The following ROR1 variants were observed in gnomAD, a reference collection of about 807,000 sequenced individuals.
ROR1 encodes inactive tyrosine-protein kinase transmembrane receptor ROR1.
A neutral mutation model predicts 78.8 loss-of-function variants in ROR1; 19 were observed. The ratio of observed to expected loss-of-function variants is 0.24; its 90% CI spans 0.17 to 0.35. The LOEUF is 0.35. Ranked by LOEUF, ROR1 falls within the 10% of genes least tolerant of loss-of-function variation. The probability of loss-of-function intolerance (pLI) is 1.00; values close to 1 mark genes in which losing one functional copy is unlikely to be tolerated. For synonymous variants in ROR1, 386 were observed against 433.6 expected (o/e 0.89, Z 1.36); for missense variants, 917 against 1,177.8 (o/e 0.78, Z 3.24).
intron 4 of ROR1, among the ~76,000 whole-genome samples, chr1:64,135,075 A>AT (rs1264301741): frequency 6.6e-6 from 1 of 152,020 alleles, no homozygotes; most frequent in Non-Finnish European, 1.5e-5. Flanking sequence ...ATAACAGTAC[A>AT]TACTGGTTTT....
intron 1 of ROR1, among the ~76,000 whole-genome samples, chr1:63,861,832 G>T (rs1272521791): frequency 6.6e-6 from 1 of 152,176 alleles, no homozygotes; most frequent in Admixed American, 6.6e-5. Context: ...TTCCAATTGA[G>T]CCAGTAGGTC....
chr1:63,950,185 A>G (rs1358940384), intron 1 of ROR1, among the ~76,000 whole-genome samples: 1 of 152,202 alleles, frequency 6.6e-6, no homozygotes, highest in Non-Finnish European at 1.5e-5. Flanking sequence ...ATTCGAGGCA[A>G]GTCCACAGAT....
chr1:64,071,931 G>A (rs557602784), intron 4 of ROR1, among the ~76,000 whole-genome samples: 2 of 152,248 alleles, frequency 1.3e-5, no homozygotes, highest in South Asian at 4.1e-4. Flanking sequence ...CAGCCTGAAA[G>A]GGATTCCCTT....
intron 1 of ROR1, among the ~76,000 whole-genome samples, chr1:63,916,636 C>G (rs1447439487): frequency 6.6e-6 from 1 of 152,160 alleles, no homozygotes; most frequent in Admixed American, 6.5e-5. Context: ...CCTGAACAGT[C>G]CTTAGAGACA....
At chr1:64,061,041 G>A (rs918328641) in intron 4 of ROR1, among the ~76,000 whole-genome samples, 8 of 152,202 alleles carry the variant, frequency 5.3e-5, no homozygotes, top group Non-Finnish European at 1.0e-4. Context: ...CTGAGAGCTT[G>A]TTCACCAGGC....
intron 1 of ROR1, among the ~76,000 whole-genome samples, chr1:63,903,712 G>A (rs1403228870): frequency 6.6e-6 from 1 of 151,638 alleles, no homozygotes; most frequent in African/African-American, 2.4e-5. Context: ...AGCTATATAA[G>A]CATATATAAA....
At chr1:64,175,065 A>G (rs1650342327) in intron 8 of ROR1, among the ~76,000 whole-genome samples, 1 of 151,274 alleles carries the variant, frequency 6.6e-6, no homozygotes, top group African/African-American at 2.4e-5. Flanking sequence ...AATAAATTAA[A>G]TAGTTATTTA....
intron 1 of ROR1, among the ~76,000 whole-genome samples, chr1:63,837,688 G>A (rs544590697): frequency 6.6e-6 from 1 of 152,320 alleles, no homozygotes; most frequent in East Asian, 1.9e-4. Flanking sequence ...GGACACGGTG[G>A]CGTGTTCCTG....
intron 1 of ROR1, among the ~76,000 whole-genome samples, chr1:63,889,108 C>T (rs74077483): frequency 0.037 from 5,695 of 152,178 alleles, 349 homozygotes; most frequent in African/African-American, 0.13. Context: ...GACATATGAG[C>T]AAGGAATCCA....
intron 1 of ROR1, among the ~76,000 whole-genome samples, chr1:63,902,339 T>TA (rs1352683890): frequency 3.0e-4 from 46 of 151,742 alleles, no homozygotes; most frequent in African/African-American, 1.1e-3. Flanking sequence ...TTTTTTCTTT[T>TA]AAGAGTCTTG....
At chr1:64,059,015 A>G (rs1359256558) in intron 4 of ROR1, among the ~76,000 whole-genome samples, 1 of 152,098 alleles carries the variant, frequency 6.6e-6, no homozygotes, top group East Asian at 1.9e-4. Flanking sequence ...TTATAGGTCT[A>G]TTTAAATTTT....
At chr1:63,895,473 C>A (rs906904845) in intron 1 of ROR1, among the ~76,000 whole-genome samples, 8 of 152,040 alleles carry the variant, frequency 5.3e-5, no homozygotes, top group African/African-American at 1.9e-4. Flanking sequence ...CTCTGTTGAC[C>A]AAGGTGGAAT....
chr1:64,051,226 T>C (rs1018385101), intron 4 of ROR1, among the ~76,000 whole-genome samples: 4 of 151,820 alleles, frequency 2.6e-5, no homozygotes, highest in African/African-American at 9.7e-5. Flanking sequence ...CCGAGGTGGG[T>C]GGATCACGAG....
At chr1:63,793,686 C>T (rs550533655) in intron 1 of ROR1, among the ~76,000 whole-genome samples, 1 of 152,258 alleles carries the variant, frequency 6.6e-6, no homozygotes, top group South Asian at 2.1e-4. Flanking sequence ...TGCTGATTCC[C>T]CTCCCAGGAC....
At chr1:63,997,958 G>A (rs569252182) in intron 1 of ROR1, among the ~76,000 whole-genome samples, 71 of 152,012 alleles carry the variant, frequency 4.7e-4, no homozygotes, top group Non-Finnish European at 8.8e-4. Flanking sequence ...GTCCTGCAAG[G>A]TCATTACTAT....
At chr1:64,066,318 C>CTTT (rs747396331) in intron 4 of ROR1, among the ~76,000 whole-genome samples, 9 of 139,868 alleles carry the variant, frequency 6.4e-5, no homozygotes, top group African/African-American at 1.9e-4. Context: ...TTTAAACTCA[C>CTTT]TTTTTTTTTT....
intron 1 of ROR1, among the ~76,000 whole-genome samples, chr1:63,791,055 G>C (rs1243812867): frequency 6.6e-6 from 1 of 152,150 alleles, no homozygotes. Flanking sequence ...GGCAGTAGTG[G>C]GGAGGAGAGA....
At chr1:63,917,149 C>G (rs970698204) in intron 1 of ROR1, among the ~76,000 whole-genome samples, 2 of 152,144 alleles carry the variant, frequency 1.3e-5, no homozygotes, top group African/African-American at 4.8e-5. Flanking sequence ...CCATACTTTC[C>G]CTGTGGCTCC....
chr1:63,932,481 A>G (rs926087833), intron 1 of ROR1, among the ~76,000 whole-genome samples: 6 of 152,170 alleles, frequency 3.9e-5, no homozygotes, highest in African/African-American at 1.2e-4. Flanking sequence ...AGTGAGGCCT[A>G]CCAATGAGAG....
Sources: gnomAD v4.1 joint callset for allele counts (sites outside exome capture counted in the v4.1 genomes callset) on GRCh38, gnomAD v4.1.1 for gene constraint, MANE v1.5 for transcripts, NCBI Gene and HGNC (gene_info 2026-07-23, HGNC 2026-07-21) for gene names.